Variants in CALN1 observed in about 807,000 individuals in gnomAD.
CALN1 encodes the protein calcium-binding protein 8.
A neutral mutation model predicts 30.6 loss-of-function variants in CALN1; 17 were observed. That is an observed-to-expected ratio of 0.56 (90% CI 0.38 to 0.83). CALN1 has a LOEUF of 0.83. Ranked by LOEUF, CALN1 falls within the 40% of genes least tolerant of loss-of-function variation. The pLI, the probability that CALN1 is intolerant of heterozygous loss-of-function variation, is 0.00. For synonymous variants in CALN1, 156 were observed against 131.4 expected (o/e 1.19, Z -1.28); for missense variants, 291 against 354.9 (o/e 0.82, Z 1.45).
intron 5 of CALN1, among the ~76,000 whole-genome samples, chr7:71,815,822 TCCTCCCTCCCTC>T (rs1207574403): frequency 1.8e-5 from 2 of 113,454 alleles, no homozygotes; most frequent in African/African-American, 6.6e-5. Flanking sequence ...CTTCTTTTCT[TCCTCCCTCCCTC>T]CCTCCCTCCT....
chr7:72,420,035 G>A (rs1807555695), intron 1 of CALN1, among the ~76,000 whole-genome samples: 1 of 152,150 alleles, frequency 6.6e-6, no homozygotes, highest in South Asian at 2.1e-4. Context: ...AAGGACAGGT[G>A]CAGAAGACTG....
chr7:71,876,778 T>A (rs1792269912), intron 5 of CALN1, among the ~76,000 whole-genome samples: 1 of 152,328 alleles, frequency 6.6e-6, no homozygotes, highest in Non-Finnish European at 1.5e-5. Context: ...AGGTTGCAAG[T>A]GGCAGAACAA....
At chr7:71,920,567 C>G (rs972808641) in intron 5 of CALN1, among the ~76,000 whole-genome samples, 1 of 151,950 alleles carries the variant, frequency 6.6e-6, no homozygotes, top group Non-Finnish European at 1.5e-5. Context: ...GATCTCCTGA[C>G]CTCGTGATCC....
intron 3 of CALN1, among the ~76,000 whole-genome samples, chr7:72,204,084 C>A (rs761171938): frequency 1.3e-5 from 2 of 149,122 alleles, no homozygotes; most frequent in Non-Finnish European, 3.0e-5. Flanking sequence ...CTCCACCTCC[C>A]GGGTCTACGC....
intron 3 of CALN1, among the ~76,000 whole-genome samples, chr7:72,111,596 C>T (rs1807579794): frequency 6.6e-6 from 1 of 151,872 alleles, no homozygotes; most frequent in Admixed American, 6.6e-5. Flanking sequence ...TACACACCAC[C>T]ATGCTCGACT....
chr7:72,379,625 T>C (rs1006130553), intron 2 of CALN1, among the ~76,000 whole-genome samples: 3 of 152,252 alleles, frequency 2.0e-5, no homozygotes, highest in African/African-American at 7.2e-5. Flanking sequence ...CCTTGAAAAC[T>C]CTTGCAAACA....
chr7:72,375,368 G>C (rs1051411809), intron 2 of CALN1, among the ~76,000 whole-genome samples: 2 of 151,872 alleles, frequency 1.3e-5, no homozygotes, highest in Non-Finnish European at 2.9e-5. Context: ...TTTGAGAACA[G>C]CCTGGGCAAC....
chr7:71,858,810 T>C (rs957271836), intron 5 of CALN1, among the ~76,000 whole-genome samples: 2 of 152,142 alleles, frequency 1.3e-5, no homozygotes, highest in African/African-American at 4.8e-5. Context: ...CACATACTGA[T>C]TGATGTCTCG....
In CALN1 at chr7:72,200,978, C is replaced by T. The variant is rs1039542871; in HGVS notation, c.244+77708G>A. Reference sequence around the variant, plus strand: ...CATTCTACCAAAAAGACACCTGTTACTCACATGTTTATTGCAGCACTATTC... The same window carrying T: ...CATTCTACCAAAAAGACACCTGTTATTCACATGTTTATTGCAGCACTATTC... On this transcript the variant is annotated intron_variant, in intron 3 of 6. Transcript: ENST00000395275. 2.0e-5 allele frequency among the ~76,000 whole-genome samples: 3 copies of T among 152,312 alleles called. No individual in the cohort carries two copies. The South Asian group carries it at 6.2e-4, about 32-fold the overall frequency.
intron 1 of CALN1, among the ~76,000 whole-genome samples, chr7:72,406,737 C>A (rs897451088): frequency 1.3e-5 from 2 of 152,056 alleles, no homozygotes; most frequent in African/African-American, 4.8e-5. Flanking sequence ...CTGCCTCAGC[C>A]TCCCAAATAA....
intron 5 of CALN1, among the ~76,000 whole-genome samples, chr7:71,955,543 C>G (rs1399733847): frequency 6.6e-6 from 1 of 152,072 alleles, no homozygotes; most frequent in Admixed American, 6.6e-5. Context: ...AATGGCACAG[C>G]AGGGGTTCAA....
chr7:72,317,396 A>G (rs1179861397), intron 2 of CALN1, among the ~76,000 whole-genome samples: 3 of 152,238 alleles, frequency 2.0e-5, no homozygotes, highest in Non-Finnish European at 4.4e-5. Context: ...CTTACAAGCC[A>G]TCATCCCACA....
chr7:72,132,378 C>G (rs1809211469), intron 3 of CALN1, among the ~76,000 whole-genome samples: 1 of 152,132 alleles, frequency 6.6e-6, no homozygotes, highest in Admixed American at 6.6e-5. Flanking sequence ...CAGAATAGTT[C>G]TATGGGTACT....
At chr7:72,088,458 A>C (rs1805624571) in intron 4 of CALN1, among the ~76,000 whole-genome samples, 1 of 152,044 alleles carries the variant, frequency 6.6e-6, no homozygotes, top group South Asian at 2.1e-4. Flanking sequence ...CAGCACTTAG[A>C]GAGGCCCAGG....
At chr7:72,337,379 C>T (rs1195895730) in intron 2 of CALN1, among the ~76,000 whole-genome samples, 2 of 151,784 alleles carry the variant, frequency 1.3e-5, no homozygotes, top group African/African-American at 4.8e-5. Flanking sequence ...CCAAGCAGCG[C>T]AACCTGAGGA....
chr7:71,989,474 A>G (rs1424325060), intron 5 of CALN1, among the ~76,000 whole-genome samples: 2 of 151,920 alleles, frequency 1.3e-5, no homozygotes, highest in Admixed American at 6.6e-5. Context: ...CACAAGGCCA[A>G]TATCTGGGAG....
intron 3 of CALN1, among the ~76,000 whole-genome samples, chr7:72,182,736 G>A (rs370517544): frequency 9.3e-5 from 13 of 140,116 alleles, no homozygotes; most frequent in Non-Finnish European, 1.2e-4. Flanking sequence ...AACAAAAAAT[G>A]AAAAAAAAAT....
intron 3 of CALN1, among the ~76,000 whole-genome samples, chr7:72,249,000 G>C (rs528334933): frequency 2.0e-5 from 3 of 152,122 alleles, no homozygotes; most frequent in African/African-American, 7.2e-5. Context: ...AAAGGAAAGC[G>C]AGGCAAATTA....
At chr7:72,409,891 AATTGTTG>A (rs1194543272) in intron 1 of CALN1, among the ~76,000 whole-genome samples, 2 of 152,092 alleles carry the variant, frequency 1.3e-5, no homozygotes, top group Non-Finnish European at 2.9e-5. Context: ...TAGATTTTAC[AATTGTTG>A]AGGGCCACAT....
Sources: allele counts gnomAD v4.1 joint callset (sites outside exome capture counted in the v4.1 genomes callset), GRCh38; gene constraint gnomAD v4.1.1; transcripts MANE v1.5; gene names NCBI Gene and HGNC (gene_info 2026-07-23, HGNC 2026-07-21).